Variants in SLC47A2 observed in about 807,000 individuals in gnomAD.
The protein encoded by SLC47A2 is solute carrier family 47 member 2.
Under a neutral mutation model 67.7 loss-of-function variants are expected in SLC47A2, and 52 were observed. The observed-to-expected ratio is 0.77, with a 90% CI of 0.61 to 0.97. The LOEUF (loss-of-function observed/expected upper bound fraction) is 0.97, where lower values mean the gene tolerates loss of function less well. Among genes scored for constraint, SLC47A2 ranks in the 50% least tolerant of loss-of-function variants. SLC47A2 has a pLI of 0.00. For synonymous variants in SLC47A2, 278 were observed against 292.9 expected (o/e 0.95, Z 0.52); for missense variants, 676 against 712.3 (o/e 0.95, Z 0.58).
intron 13 of SLC47A2, among the ~76,000 whole-genome samples, chr17:19,688,737 T>A (rs2085479260): frequency 1.3e-5 from 2 of 152,130 alleles, no homozygotes; most frequent in South Asian, 4.1e-4. Context: ...GTATTTTTTT[T>A]AGTAGAAACA....
intron 13 of SLC47A2, 107 bp from the exon 14 acceptor site, chr17:19,681,777 G>A: frequency 7.2e-7 from 1 of 1,385,190 alleles, no homozygotes; most frequent in African/African-American, 1.4e-5. Flanking sequence ...GCTTCACTGA[G>A]TTCTCACAGC....
chr17:19,693,579 C>T (rs1294983394), intron 13 of SLC47A2, among the ~76,000 whole-genome samples: 1 of 151,130 alleles, frequency 6.6e-6, no homozygotes, highest in East Asian at 1.9e-4. Context: ...TGGAGACCAC[C>T]CTGGCCAATG....
At position 19,712,697 on chromosome 17, in the gene SLC47A2, A is replaced by G. The variant is rs2086133281; in HGVS notation, c.486+6T>C. ...GATTCCACGCTCAGCAAACAGGGGC[A>G]CCTACCGGAAGTCCTGGAATGAAAA... On this transcript the variant is annotated splice_donor_region_variant and intron_variant, in intron 5 of 16. Transcript: ENST00000433844. 3 of 1,613,068 alleles carry G rather than the reference A, an allele frequency of 1.9e-6. No individual in the cohort carries two copies. Among genetic ancestry groups the G allele is most frequent in the African/African-American group, 1.3e-5 (1 of 74,898 alleles).
chr17:19,714,582 A>T, intron 3 of SLC47A2, 139 bp downstream of exon 3: 1 of 905,666 alleles, frequency 1.1e-6, no homozygotes, highest in Non-Finnish European at 1.8e-6. Context: ...CCTTGGAGGT[A>T]GGGCAGGGGC....
At position 19,680,023 on chromosome 17, in the gene SLC47A2, C is replaced by T; in HGVS notation, c.1409G>A (p.Gly470Asp). ...CTCTGCTCTCTGCTGCTGCTGCCGG[C>T]CTGAATGTTTCTTAGCCTAAAGGAG... ...LAAEEAKKHSGRQQQQRAEST... is the reference protein window; with the variant it reads ...LAAEEAKKHSDRQQQQRAEST... The change falls in exon 16 of 17, where the codon GGC becomes GAC. Residue 470 changes from glycine (G) to aspartate (D), a missense_variant. Coordinates refer to ENST00000433844, the MANE Select transcript of SLC47A2 (RefSeq NM_001099646.3). 6.2e-7 allele frequency: 1 copy of T among 1,613,970 alleles called. No homozygotes were observed.
rs964958322 is a variant in SLC47A2 at position 19,708,871 on chromosome 17, T to C, written c.487-111A>G. On this transcript the variant is annotated intron_variant, in intron 5 of 16. Transcript: ENST00000433844. ...TAGTACCCCAGATTGGGGAAATTAC[T>C]TCATCAAAGTATGTCTGGGACCTCT... is the stretch of plus-strand genomic sequence containing the variant. 5.2e-6 allele frequency: 7 copies of C among 1,335,008 alleles called. No homozygotes were observed. The Admixed American group carries it at 1.1e-4, about 21-fold the overall frequency. The allele number at this position is 1,335,008 out of a possible 1,614,324, so 82.7% of individuals were successfully genotyped here.
chr17:19,679,808 G>C, intron 16 of SLC47A2, 144 bp downstream of exon 16: 1 of 767,194 alleles, frequency 1.3e-6, no homozygotes, highest in Non-Finnish European at 2.0e-6. Flanking sequence ...CTGGTGCTTA[G>C]GACATCATTT....
intron 13 of SLC47A2, among the ~76,000 whole-genome samples, chr17:19,700,116 G>A (rs987592186): frequency 1.3e-5 from 2 of 152,070 alleles, no homozygotes; most frequent in African/African-American, 4.8e-5. Context: ...ATGGGAGCAG[G>A]GATTAACTAC....
At chr17:19,688,035 A>G (rs2085463009) in intron 13 of SLC47A2, among the ~76,000 whole-genome samples, 1 of 152,192 alleles carries the variant, frequency 6.6e-6, no homozygotes, top group African/African-American at 2.4e-5. Flanking sequence ...AACTCATTCT[A>G]TAATGAGGCC....
chr17:19,704,043 G>GT (rs1230521332), intron 11 of SLC47A2, 27 bp downstream of exon 11: 1 of 1,560,350 alleles, frequency 6.4e-7, no homozygotes, highest in Non-Finnish European at 8.7e-7. Flanking sequence ...AACGTTTGAA[G>GT]GCCCACCAGG....
intron 13 of SLC47A2, among the ~76,000 whole-genome samples, chr17:19,694,943 C>T (rs1025079200): frequency 8.8e-5 from 13 of 147,922 alleles, no homozygotes; most frequent in Non-Finnish European, 1.6e-4. Context: ...GATCATAAAC[C>T]TAAATGTAAG....
intron 13 of SLC47A2, among the ~76,000 whole-genome samples, chr17:19,701,728 C>T (rs541260057): frequency 6.6e-6 from 1 of 152,254 alleles, no homozygotes; most frequent in Non-Finnish European, 1.5e-5. Context: ...TGCCTATTGT[C>T]CCAGCACTTT....
At chr17:19,699,498 A>G (rs895871527) in intron 13 of SLC47A2, among the ~76,000 whole-genome samples, 13 of 152,026 alleles carry the variant, frequency 8.6e-5, no homozygotes, top group African/African-American at 3.1e-4. Context: ...CTCCTGCCTC[A>G]GCCTCCCAAG....
rs780833814 is a variant in SLC47A2 at position 19,715,163 on chromosome 17, C to T, written c.178G>A (p.Gly60Arg). The T allele has an allele frequency of 9.9e-6, 16 of 1,612,282 alleles. No homozygotes were observed. Among genetic ancestry groups the T allele is most frequent in the Admixed American group, 6.7e-5 (4 of 60,008 alleles). ...GCCAGCTCCACCTTGCCCAGGTGCC[C>T]GCAGAACACAGTGCTCACGATGTAG... ...MIYIVSTVFC[G>R]HLGKVELASV... Residue 60 changes from glycine (G) to arginine (R), a missense_variant, in exon 2 of 17, where the codon GGG becomes AGG. Physicochemically the swap from Gly to Arg is moderately radical, Grantham distance 125. Coordinates refer to ENST00000433844, the MANE Select transcript of SLC47A2 (RefSeq NM_001099646.3).
chr17:19,686,239 G>T (rs974237392), intron 13 of SLC47A2, among the ~76,000 whole-genome samples: 10 of 152,122 alleles, frequency 6.6e-5, no homozygotes, highest in Non-Finnish European at 1.5e-4. Flanking sequence ...TCCAGCCTGG[G>T]CTACAAGAGC....
At chr17:19,706,626 C>T (rs375302250) in intron 9 of SLC47A2, 22 bp downstream of exon 9, 299 of 1,550,258 alleles carry the variant, frequency 1.9e-4, no homozygotes, top group Admixed American at 1.2e-4. Context: ...CGCCATTGCG[C>T]CCCCCATCCT....
chr17:19,707,092 G>C (rs1237463970), intron 8 of SLC47A2, among the ~76,000 whole-genome samples: 1 of 152,084 alleles, frequency 6.6e-6, no homozygotes, highest in Non-Finnish European at 1.5e-5. Context: ...CCTTATAGCT[G>C]CCCTGCCTCC....
chr17:19,684,855 A>G (rs547172107), intron 13 of SLC47A2, among the ~76,000 whole-genome samples: 1 of 151,204 alleles, frequency 6.6e-6, no homozygotes, highest in East Asian at 1.9e-4. Context: ...CTCGCTCTCC[A>G]TCTCCCTCTT....
chr17:19,716,277 G>T lies in SLC47A2; in HGVS notation c.123+156C>A, dbSNP rs1453351295. 2.5e-6 allele frequency: 3 copies of T among 1,205,372 alleles called. No individual in the cohort carries two copies. In the Admixed American group the frequency reaches 9.1e-5, roughly 37 times the overall value. The allele number at this position is 1,205,372 out of a possible 1,614,324, so 74.7% of individuals were successfully genotyped here. A position where few individuals can be genotyped will look rare whatever the true frequency, so the allele number is the denominator to read the frequency against. On this transcript the variant is annotated intron_variant, in intron 1 of 16. Transcript: ENST00000433844. Reference sequence around the variant, plus strand: ...GATTGTCCAGAGACAGCTTTCAGGAGCCATCCTGCTGTCCCCAGACTCTGG... The same window carrying T: ...GATTGTCCAGAGACAGCTTTCAGGATCCATCCTGCTGTCCCCAGACTCTGG...
Sources: gnomAD v4.1 joint callset for allele counts (sites outside exome capture counted in the v4.1 genomes callset) on GRCh38, gnomAD v4.1.1 for gene constraint, MANE v1.5 for transcripts, NCBI Gene and HGNC (gene_info 2026-07-23, HGNC 2026-07-21) for gene names.